NELL1: variants seen among roughly 807,000 people sequenced by gnomAD.
NELL1 encodes the protein protein kinase C-binding protein NELL1.
NELL1 carries 76 observed loss-of-function variants against 107.4 expected under a neutral mutation model. The observed-to-expected ratio is 0.71, with a 90% confidence interval of 0.59 to 0.86. The LOEUF (loss-of-function observed/expected upper bound fraction) is 0.86, where lower values mean the gene tolerates loss of function less well. Among genes scored for constraint, NELL1 ranks in the 40% least tolerant of loss-of-function variants. The pLI, the probability that NELL1 is intolerant of heterozygous loss-of-function variation, is 0.00. For synonymous variants in NELL1, 353 were observed against 341.2 expected (o/e 1.03, Z -0.38); for missense variants, 1,024 against 1,005.5 (o/e 1.02, Z -0.25).
At chr11:21,321,704 C>G (rs1189148397) in intron 14 of NELL1, among the ~76,000 whole-genome samples, 2 of 152,186 alleles carry the variant, frequency 1.3e-5, no homozygotes, top group African/African-American at 4.8e-5. Flanking sequence ...TGTGAAATCA[C>G]TTGTCCAGGC....
chr11:21,269,665 C>A (rs1275925079), intron 14 of NELL1, among the ~76,000 whole-genome samples: 1 of 151,966 alleles, frequency 6.6e-6, no homozygotes, highest in Admixed American at 6.6e-5. Flanking sequence ...GCCAAGCAGA[C>A]CTACCTTACA....
chr11:21,297,219 A>C (rs1849394273), intron 14 of NELL1, among the ~76,000 whole-genome samples: 1 of 152,000 alleles, frequency 6.6e-6, no homozygotes, highest in Non-Finnish European at 1.5e-5. Flanking sequence ...AAAGAAATGC[A>C]AAGGAATTTA....
intron 14 of NELL1, among the ~76,000 whole-genome samples, chr11:21,288,290 C>T (rs1849173104): frequency 6.6e-6 from 1 of 152,178 alleles, no homozygotes; most frequent in East Asian, 1.9e-4. Context: ...AAGACTAAAG[C>T]CCTCAAGTCA....
chr11:21,341,378 A>G (rs1017075058), intron 14 of NELL1, among the ~76,000 whole-genome samples: 2 of 152,230 alleles, frequency 1.3e-5, no homozygotes, highest in Admixed American at 6.5e-5. Context: ...GCAAGAGTTC[A>G]TATTTGGCGT....
chr11:21,340,597 G>A (rs1233619642), intron 14 of NELL1, among the ~76,000 whole-genome samples: 3 of 150,114 alleles, frequency 2.0e-5, no homozygotes, highest in Admixed American at 6.7e-5. Context: ...GGTAGGGTGG[G>A]CACCTAACCC....
Position 20,731,345 on chromosome 11 carries a change from G to A in NELL1, c.185-52335G>A, listed in dbSNP as rs148161180. 6.3e-3 allele frequency among the ~76,000 whole-genome samples: 952 copies of A among 152,304 alleles called. 6 individuals carry two copies. Among genetic ancestry groups the A allele is most frequent in the African/African-American group, 0.022 (910 of 41,564 alleles). On this transcript the variant is annotated intron_variant, in intron 2 of 19. Coordinates refer to ENST00000357134, the MANE Select transcript of NELL1 (RefSeq NM_006157.5). ...GACCACATAGGAAATTATTATGTTG[G>A]GTTTACTTGGCTGATGCCTGTGGCT... is the stretch of plus-strand genomic sequence containing the variant.
At chr11:21,132,710 G>GC (rs1855650934) in intron 13 of NELL1, among the ~76,000 whole-genome samples, 1 of 151,944 alleles carries the variant, frequency 6.6e-6, no homozygotes, top group African/African-American at 2.4e-5. Context: ...GGCTCGGGGA[G>GC]CCCCTAAATC....
chr11:21,515,653 T>C (rs1447836273), intron 15 of NELL1, among the ~76,000 whole-genome samples: 1 of 152,166 alleles, frequency 6.6e-6, no homozygotes. Flanking sequence ...AATAAAGATA[T>C]TGTATGATAG....
At chr11:20,733,491 T>C (rs535759330) in intron 2 of NELL1, among the ~76,000 whole-genome samples, 8 of 152,136 alleles carry the variant, frequency 5.3e-5, no homozygotes, top group Admixed American at 1.3e-4. Flanking sequence ...CAGATGAGGA[T>C]AGGAAGTAGA....
chr11:21,475,367 T>A (rs1433251894), intron 15 of NELL1, among the ~76,000 whole-genome samples: 1 of 152,162 alleles, frequency 6.6e-6, no homozygotes, highest in Non-Finnish European at 1.5e-5. Context: ...TATATTGTAA[T>A]GTTGTTCATA....
At chr11:20,993,046 G>T (rs549580395) in intron 12 of NELL1, among the ~76,000 whole-genome samples, 1 of 152,234 alleles carries the variant, frequency 6.6e-6, no homozygotes, top group Non-Finnish European at 1.5e-5. Context: ...TCATTGCCTT[G>T]TCATACTTTC....
intron 2 of NELL1, among the ~76,000 whole-genome samples, chr11:20,750,785 A>G (rs1181700949): frequency 1.3e-5 from 2 of 152,010 alleles, no homozygotes; most frequent in Non-Finnish European, 2.9e-5. Flanking sequence ...ATGGGGTTTC[A>G]CAATGTTGCT....
intron 13 of NELL1, among the ~76,000 whole-genome samples, chr11:21,202,326 G>T (rs1170372785): frequency 6.6e-6 from 1 of 152,152 alleles, no homozygotes; most frequent in Non-Finnish European, 1.5e-5. Flanking sequence ...TTTATTCAGG[G>T]ATTAAACTTC....
chr11:21,484,953 C>A (rs1277337640), intron 15 of NELL1, among the ~76,000 whole-genome samples: 1 of 152,060 alleles, frequency 6.6e-6, no homozygotes, highest in Non-Finnish European at 1.5e-5. Context: ...ACCAGAAACA[C>A]TGAAAGCAAA....
intron 9 of NELL1, 45 bp downstream of exon 9, chr11:20,928,524 T>C: frequency 7.0e-7 from 1 of 1,434,466 alleles, no homozygotes; most frequent in East Asian, 2.3e-5. Flanking sequence ...TGTTTTGAGA[T>C]TTATTTATTT....
intron 13 of NELL1, among the ~76,000 whole-genome samples, chr11:21,205,048 C>A (rs1857358845): frequency 6.6e-6 from 1 of 152,176 alleles, no homozygotes; most frequent in Non-Finnish European, 1.5e-5. Context: ...TGTCTTTCAG[C>A]CCCTGCTGGG....
chr11:21,545,905 T>C (rs538308990), intron 16 of NELL1, among the ~76,000 whole-genome samples: 1 of 151,954 alleles, frequency 6.6e-6, no homozygotes, highest in Non-Finnish European at 1.5e-5. Flanking sequence ...AATCAGCAGC[T>C]CTGTGGGTAA....
chr11:21,261,816 C>T (rs907362879), intron 14 of NELL1, among the ~76,000 whole-genome samples: 1 of 151,842 alleles, frequency 6.6e-6, no homozygotes, highest in African/African-American at 2.4e-5. Flanking sequence ...AGATTAATCC[C>T]TTGGAAACAG....
intron 15 of NELL1, among the ~76,000 whole-genome samples, chr11:21,381,222 C>T (rs1851600356): frequency 6.6e-6 from 1 of 151,924 alleles, no homozygotes; most frequent in Admixed American, 6.6e-5. Context: ...GCCATAATCT[C>T]TTATTTGATC....
Sources: gnomAD v4.1 joint callset for allele counts (sites outside exome capture counted in the v4.1 genomes callset) on GRCh38, gnomAD v4.1.1 for gene constraint, MANE v1.5 for transcripts, NCBI Gene and HGNC (gene_info 2026-07-23, HGNC 2026-07-21) for gene names.